MAF: variants seen among roughly 807,000 people sequenced by gnomAD.
MAF encodes transcription factor Maf.
Under a neutral mutation model 22.0 loss-of-function variants are expected in MAF, and 10 were observed. The ratio of observed to expected loss-of-function variants is 0.45; its 90% CI spans 0.28 to 0.77. MAF has a LOEUF of 0.77. Among genes scored for constraint, MAF ranks in the 30% least tolerant of loss-of-function variants. The pLI, the probability that MAF is intolerant of heterozygous loss-of-function variation, is 0.12. For synonymous variants in MAF, 337 were observed against 255.8 expected, an observed-to-expected ratio of 1.32 and a Z score of -3.03; for missense variants, 544 against 548.4, an observed-to-expected ratio of 0.99 and a Z score of 0.08.
At chr16:79,272,199 C>T in the MAF span, among the ~76,000 whole-genome samples, 4 of 152,208 alleles carry the variant, frequency 2.6e-5, no homozygotes, top group Non-Finnish European at 5.9e-5. Flanking sequence ...CCTCTGAACG[C>T]GCTCAGAGAC....
chr16:79,437,676 TC>T, the MAF span, among the ~76,000 whole-genome samples: 1 of 151,966 alleles, frequency 6.6e-6, no homozygotes, highest in Non-Finnish European at 1.5e-5. Flanking sequence ...GGGACTGGCC[TC>T]TGAAAACCCT....
chr16:79,291,640 A>G, the MAF span, among the ~76,000 whole-genome samples: 2 of 151,286 alleles, frequency 1.3e-5, no homozygotes, highest in African/African-American at 2.4e-5. Flanking sequence ...AACACAGTAA[A>G]AGTTGTCATA....
At chr16:79,479,714 G>C in the MAF span, among the ~76,000 whole-genome samples, 2 of 152,202 alleles carry the variant, frequency 1.3e-5, no homozygotes, top group Admixed American at 1.3e-4. Flanking sequence ...ATTTCCCACA[G>C]GAGAGAAAGG....
the MAF span, among the ~76,000 whole-genome samples, chr16:79,440,225 G>T: frequency 6.6e-6 from 1 of 152,184 alleles, no homozygotes; most frequent in African/African-American, 2.4e-5. Flanking sequence ...TGCTGCCCTG[G>T]CTTTGCAGCT....
At chr16:79,211,613 G>A in the MAF span, 1 of 1,614,032 alleles carries the variant, frequency 6.2e-7, no homozygotes, top group African/African-American at 1.3e-5. Flanking sequence ...TCCAGCAACA[G>A]GGAGCTGCCA....
downstream of MAF, among the ~76,000 whole-genome samples, chr16:79,583,350 C>A (rs186505423): frequency 1.3e-5 from 2 of 152,272 alleles, no homozygotes; most frequent in East Asian, 3.9e-4. Context: ...ACTCCATCTG[C>A]CGATTGTAAG....
the MAF span, among the ~76,000 whole-genome samples, chr16:79,271,677 C>T: frequency 2.6e-5 from 4 of 152,230 alleles, no homozygotes; most frequent in Admixed American, 6.5e-5. Flanking sequence ...ATATCCATCT[C>T]TACTGCTAAG....
At chr16:79,592,421 T>C (rs1344249141), downstream of MAF, among the ~76,000 whole-genome samples, 1 of 152,244 alleles carries the variant, frequency 6.6e-6, no homozygotes, top group Non-Finnish European at 1.5e-5. Context: ...TCCCCTTTTC[T>C]GGGGCTGTTT....
the MAF span, among the ~76,000 whole-genome samples, chr16:79,271,916 C>T: frequency 1.2e-4 from 18 of 152,232 alleles, no homozygotes; most frequent in African/African-American, 4.3e-4. Flanking sequence ...TCTGCCTCCC[C>T]TGCAGACTCC....
At chr16:79,596,044 G>T in intron 1 of MAF, 1 of 1,061,890 alleles carries the variant, frequency 9.4e-7, no homozygotes, top group Non-Finnish European at 1.1e-6. Context: ...CAACTTTAGT[G>T]AAAAGGCAAG....
At chr16:79,232,485 G>A in the MAF span, among the ~76,000 whole-genome samples, 1 of 151,958 alleles carries the variant, frequency 6.6e-6, no homozygotes, top group African/African-American at 2.4e-5. Flanking sequence ...GAAACTTGGA[G>A]TCTTGATACA....
chr16:79,220,874 A>G, the MAF span, among the ~76,000 whole-genome samples: 4 of 152,308 alleles, frequency 2.6e-5, no homozygotes, highest in Middle Eastern at 3.4e-3. Flanking sequence ...TTTTCCCCAG[A>G]TGACCTGCCT....
At chr16:79,222,170 G>C in the MAF span, among the ~76,000 whole-genome samples, 32 of 152,236 alleles carry the variant, frequency 2.1e-4, no homozygotes, top group African/African-American at 7.5e-4. Context: ...AGAAGAGAAA[G>C]GGGGCCAATT....
the MAF span, among the ~76,000 whole-genome samples, chr16:79,235,752 G>C: frequency 3.9e-5 from 6 of 152,110 alleles, no homozygotes; most frequent in East Asian, 1.2e-3. Flanking sequence ...TACCTGACCA[G>C]TAAGTATTAA....
chr16:79,365,955 G>A, the MAF span, among the ~76,000 whole-genome samples: 5 of 152,252 alleles, frequency 3.3e-5, no homozygotes, highest in East Asian at 5.8e-4. Flanking sequence ...CGCCAATTGC[G>A]GTCTGATCTA....
the MAF span, among the ~76,000 whole-genome samples, chr16:79,314,815 C>T: frequency 6.6e-6 from 1 of 152,160 alleles, no homozygotes; most frequent in Admixed American, 6.5e-5. Context: ...CACTTCCTTC[C>T]CTTCCTAGAA....
the MAF span, among the ~76,000 whole-genome samples, chr16:79,297,756 G>T: frequency 6.6e-6 from 1 of 152,194 alleles, no homozygotes; most frequent in African/African-American, 2.4e-5. Context: ...GTGGAAATGT[G>T]GGGCTGCGTG....
chr16:79,499,776 C>A, the MAF span, among the ~76,000 whole-genome samples: 1 of 152,156 alleles, frequency 6.6e-6, no homozygotes, highest in Admixed American at 6.5e-5. Flanking sequence ...ATAAGCTACC[C>A]AATATTTTGT....
the MAF span, among the ~76,000 whole-genome samples, chr16:79,473,593 A>G: frequency 2.0e-5 from 3 of 152,242 alleles, no homozygotes; most frequent in Non-Finnish European, 4.4e-5. Flanking sequence ...GATTCAGGGC[A>G]TGCAGACCTC....
Sources: gnomAD v4.1 joint callset for allele counts (sites outside exome capture counted in the v4.1 genomes callset) on GRCh38, gnomAD v4.1.1 for gene constraint, MANE v1.5 for transcripts, NCBI Gene and HGNC (gene_info 2026-07-23, HGNC 2026-07-21) for gene names.